Variants in CDHR3 observed in about 807,000 individuals in gnomAD.
CDHR3 encodes the protein cadherin-related family member 3.
Under a neutral mutation model 86.6 loss-of-function variants are expected in CDHR3, and 79 were observed. The ratio of observed to expected loss-of-function variants is 0.91; its 90% CI spans 0.76 to 1.10. CDHR3 has a LOEUF of 1.10. Ranked by LOEUF, CDHR3 falls within the 50% of genes least tolerant of loss-of-function variation. The pLI, the probability that CDHR3 is intolerant of heterozygous loss-of-function variation, is 0.00. For synonymous variants in CDHR3, 421 were observed against 402.4 expected (o/e 1.05, Z -0.55); for missense variants, 1,081 against 1,077.6 (o/e 1.00, Z -0.04).
chr7:105,993,636 A>G (rs2115743363), intron 4 of CDHR3, among the ~76,000 whole-genome samples: 1 of 143,038 alleles, frequency 7.0e-6, no homozygotes. Context: ...TGATAGCACC[A>G]CTGCACTGCA....
In CDHR3 at chr7:106,032,563, G is replaced by A. The variant is rs761247208; in HGVS notation, c.2524G>A (p.Glu842Lys). Residue 842 changes from glutamate to lysine, a missense_variant, in exon 19 of 19, where the codon GAG (glutamate) becomes AAG (lysine). Transcript: ENST00000317716. Reference sequence around the variant, plus strand: ...GAGAAGTGCCAACTGGGAAGAAGATGAGCTGAGTGGCAAAGCGTGGGCTGA... The same window carrying A: ...GAGAAGTGCCAACTGGGAAGAAGATAAGCTGAGTGGCAAAGCGTGGGCTGA... ...SLRSANWEED[E>K]LSGKAWAEDA... 2 of 1,614,052 alleles carry A rather than the reference G, an allele frequency of 1.2e-6. No individual in the cohort carries two copies. Among genetic ancestry groups the A allele is most frequent in the East Asian group, 2.2e-5 (1 of 44,890 alleles).
At chr7:105,981,886 T>C (rs1829792489) in intron 3 of CDHR3, among the ~76,000 whole-genome samples, 1 of 152,090 alleles carries the variant, frequency 6.6e-6, no homozygotes, top group Admixed American at 6.5e-5. Context: ...TTGACTCCTC[T>C]CTCTTTCACA....
chr7:106,035,076 T>C lies in CDHR3; in HGVS notation c.*2379T>C, dbSNP rs1838802349. Among the ~76,000 whole-genome samples, 1 of 122,802 alleles carries C rather than the reference T, an allele frequency of 8.1e-6. No homozygotes were observed. The highest frequency in any genetic ancestry group is 1.8e-5 in the Non-Finnish European group (1 of 54,536). 80.6% of individuals were successfully genotyped at this position (122,802 alleles called of 152,430 possible). A position where few individuals can be genotyped will look rare whatever the true frequency, so the allele number is the denominator to read the frequency against. On this transcript the variant is annotated 3_prime_UTR_variant, in exon 19 of 19. Transcript: ENST00000317716. ...CCTGGGTGACAAGGGCAAAACTCTG[T>C]GTCAAGAAAAAAAAAAAAAAAAGAA...
intron 6 of CDHR3, among the ~76,000 whole-genome samples, chr7:105,999,858 G>A (rs560358797): frequency 1.3e-5 from 2 of 152,380 alleles, no homozygotes; most frequent in East Asian, 3.9e-4. Flanking sequence ...CTTTTACTAG[G>A]AGCATGCTTG....
rs1181669404 is a variant in CDHR3 at position 106,017,828 on chromosome 7, G to C, written c.1427-18G>C. The C allele has an allele frequency of 6.5e-7, 1 of 1,547,380 alleles. No homozygotes were observed. ...CCCCTTAAAAGCAGGACTTATTGCA[G>C]GTACTTTATTCCTCCAGCCAGAACC... On this transcript the variant is annotated intron_variant, in intron 11 of 18. Coordinates refer to ENST00000317716, the MANE Select transcript of CDHR3 (RefSeq NM_152750.5).
Position 106,030,827 on chromosome 7 carries a change from A to G in CDHR3, c.2340A>G (p.Glu780=), listed in dbSNP as rs1209278689. ...TIQMNTIFDG[E]AIDPVTGETY... ...AGATGAACACTATCTTTGATGGAGA[A>G]GCCATAGATCCAGGTAATTAAGTGG... Residue 780 remains glutamate, a synonymous_variant, in exon 18 of 19, where the codon GAA becomes GAG. Coordinates refer to ENST00000317716, the MANE Select transcript of CDHR3 (RefSeq NM_152750.5). This position sits in a 1 kb window ranked among gnomAD's most constrained non-coding sequence, Gnocchi z 4.8. 3 of 1,611,142 alleles carry G rather than the reference A, an allele frequency of 1.9e-6. No individual in the cohort carries two copies. In the East Asian group the frequency reaches 6.7e-5, roughly 36 times the overall value.
intron 13 of CDHR3, among the ~76,000 whole-genome samples, chr7:106,021,339 C>T (rs1473260568): frequency 1.3e-5 from 2 of 152,194 alleles, no homozygotes; most frequent in Non-Finnish European, 2.9e-5. Flanking sequence ...AGTAGGAAGC[C>T]TCTCGAGCTG....
intron 4 of CDHR3, among the ~76,000 whole-genome samples, chr7:105,993,896 G>A (rs1831780304): frequency 6.6e-6 from 1 of 152,164 alleles, no homozygotes; most frequent in Non-Finnish European, 1.5e-5. Flanking sequence ...AGATCAAGGA[G>A]ATCTGGGCAG....
At chr7:106,016,706 G>A (rs73195659) in intron 11 of CDHR3, among the ~76,000 whole-genome samples, 5,997 of 152,166 alleles carry the variant, frequency 0.039, 164 homozygotes, top group South Asian at 0.13. Context: ...AAACCAAAAC[G>A]CTCCCTCTAA....
chr7:106,032,642 A>G lies in CDHR3; in HGVS notation c.2603A>G (p.Asn868Ser). ...GGTGGCAAGCTGGGCAACCCAAAGAACAGAAATCCAGCCTTCATGAACAGG... is the reference window on the plus strand; with the variant it reads ...GGTGGCAAGCTGGGCAACCCAAAGAGCAGAAATCCAGCCTTCATGAACAGG... ...NEGGKLGNPKNRNPAFMNRAY... is the reference protein window; with the variant it reads ...NEGGKLGNPKSRNPAFMNRAY... Residue 868 changes from asparagine to serine, a missense_variant, in exon 19 of 19, where the codon AAC (asparagine) becomes AGC (serine). Asn to Ser is a conservative substitution (Grantham distance 46, BLOSUM62 1). Coordinates refer to ENST00000317716, the MANE Select transcript of CDHR3 (RefSeq NM_152750.5). The G allele has an allele frequency of 6.2e-7, 1 of 1,613,836 alleles. No homozygotes were observed. Among genetic ancestry groups the G allele is most frequent in the Non-Finnish European group, 8.5e-7 (1 of 1,179,814 alleles).
intron 8 of CDHR3, among the ~76,000 whole-genome samples, chr7:106,011,317 T>C (rs1360417556): frequency 6.6e-6 from 1 of 152,132 alleles, no homozygotes; most frequent in African/African-American, 2.4e-5. Flanking sequence ...ACTGGAGCAT[T>C]CACAAACATG....
rs11421876 is a variant in CDHR3 at position 105,997,942 on chromosome 7, C to CTTT, written c.713+1597_713+1599dup. ...CAGATAGCATGATCTGTGTGACGGTCTTTTTTTTTTTAAGTCAGTCGACTT... is the reference window on the plus strand; with the variant it reads ...CAGATAGCATGATCTGTGTGACGGTCTTTTTTTTTTTTTTAAGTCAGTCGACTT... On this transcript the variant is annotated intron_variant, in intron 6 of 18. Coordinates refer to ENST00000317716, the MANE Select transcript of CDHR3 (RefSeq NM_152750.5). 3.9e-4 allele frequency among the ~76,000 whole-genome samples: 57 copies of CTTT among 147,110 alleles called. 2 individuals are homozygous for CTTT. The South Asian group carries it at 0.011, about 27-fold the overall frequency.
intron 7 of CDHR3, among the ~76,000 whole-genome samples, chr7:106,001,868 T>C (rs1563269767): frequency 6.6e-6 from 1 of 152,244 alleles, no homozygotes; most frequent in African/African-American, 2.4e-5. Flanking sequence ...TTGTATTGTT[T>C]AGGGAATAAT....
intron 6 of CDHR3, among the ~76,000 whole-genome samples, chr7:105,998,016 G>C (rs1028961282): frequency 6.6e-6 from 1 of 151,928 alleles, no homozygotes; most frequent in Non-Finnish European, 1.5e-5. Context: ...GTCTGCCAGA[G>C]CCTCACTCCA....
chr7:106,008,699 G>A (rs573894215), intron 8 of CDHR3, among the ~76,000 whole-genome samples: 1 of 152,258 alleles, frequency 6.6e-6, no homozygotes, highest in Admixed American at 6.5e-5. Context: ...AGATGTCTGG[G>A]CCCAGGGGAT....
At chr7:106,028,509 C>T in intron 16 of CDHR3, 42 bp from the exon 17 acceptor site, 1 of 1,612,720 alleles carries the variant, frequency 6.2e-7, no homozygotes. Flanking sequence ...GGTCAATTTA[C>T]CACCCAAGAA....
At chr7:105,982,394 G>A (rs1426557743) in intron 3 of CDHR3, among the ~76,000 whole-genome samples, 3 of 148,874 alleles carry the variant, frequency 2.0e-5, no homozygotes, top group Admixed American at 2.0e-4. Context: ...GCATGAACCC[G>A]GGAGGTGGAG....
intron 8 of CDHR3, among the ~76,000 whole-genome samples, chr7:106,008,570 C>T (rs1479428259): frequency 6.6e-6 from 1 of 152,116 alleles, no homozygotes; most frequent in African/African-American, 2.4e-5. Context: ...CAGTCACAAT[C>T]TTAAGCATGT....
At chr7:105,972,844 G>A (rs1248313676) in intron 1 of CDHR3, among the ~76,000 whole-genome samples, 9 of 152,158 alleles carry the variant, frequency 5.9e-5, no homozygotes, top group Non-Finnish European at 1.3e-4. Flanking sequence ...AATTCTGCGA[G>A]CGACAATAAC....
Sources: allele counts gnomAD v4.1 joint callset (sites outside exome capture counted in the v4.1 genomes callset), GRCh38; gene constraint gnomAD v4.1.1; non-coding constraint Gnocchi (gnomAD v3.1); transcripts MANE v1.5; gene names NCBI Gene and HGNC (gene_info 2026-07-23, HGNC 2026-07-21).